The following STPG1 variants were observed in gnomAD, a reference collection of about 807,000 sequenced individuals.
STPG1 encodes O(6)-methylguanine-induced apoptosis 2.
In STPG1, 33 loss-of-function variants were observed where a neutral mutation model predicts 40.1. The ratio of observed to expected loss-of-function variants is 0.82; its 90% CI spans 0.62 to 1.10. The LOEUF is 1.10. STPG1 is among the 50% of genes least tolerant of loss of function. STPG1 has a pLI of 0.00. For missense variants in STPG1, 396 were observed against 415.1 expected (o/e 0.95, Z 0.40); for synonymous variants, 150 against 155.0 (o/e 0.97, Z 0.24).
chr1:24,378,360 G>C (rs1478661783), intron 5 of STPG1, among the ~76,000 whole-genome samples: 1 of 152,160 alleles, frequency 6.6e-6, no homozygotes, highest in African/African-American at 2.4e-5. Context: ...ATGAGGCCGG[G>C]CACGGTGGCT....
intron 1 of STPG1, among the ~76,000 whole-genome samples, chr1:24,411,190 C>A (rs1035888426): frequency 1.3e-5 from 2 of 152,106 alleles, no homozygotes; most frequent in Admixed American, 1.3e-4. Context: ...CTATGGAATA[C>A]CTTATGCAAT....
intron 4 of STPG1, among the ~76,000 whole-genome samples, chr1:24,383,037 G>A (rs965568056): frequency 3.3e-5 from 5 of 150,982 alleles, no homozygotes; most frequent in Non-Finnish European, 4.4e-5. Flanking sequence ...TCAGCCTCCC[G>A]AGTAGCTGGG....
intron 3 of STPG1, among the ~76,000 whole-genome samples, chr1:24,384,591 A>G (rs572732425): frequency 1.2e-4 from 18 of 152,358 alleles, no homozygotes; most frequent in African/African-American, 3.8e-4. Flanking sequence ...TGAGAGAGGA[A>G]TAAGTGAGAG....
chr1:24,404,809 T>C (rs1200602990), intron 1 of STPG1, among the ~76,000 whole-genome samples: 1 of 152,226 alleles, frequency 6.6e-6, no homozygotes, highest in Non-Finnish European at 1.5e-5. Context: ...AGTCTCGCTA[T>C]AGGTTTACCA....
intron 7 of STPG1, among the ~76,000 whole-genome samples, chr1:24,365,673 C>T (rs918739713): frequency 7.2e-5 from 11 of 152,222 alleles, no homozygotes; most frequent in African/African-American, 1.9e-4. Flanking sequence ...ACAGAGGACC[C>T]GCTCACCTGC....
intron 3 of STPG1, among the ~76,000 whole-genome samples, chr1:24,385,146 A>G (rs969790194): frequency 6.6e-6 from 1 of 152,204 alleles, no homozygotes; most frequent in African/African-American, 2.4e-5. Flanking sequence ...TAGAAAGCCC[A>G]AGGTACCATC....
At chr1:24,380,314 C>T (rs966806670) in intron 4 of STPG1, among the ~76,000 whole-genome samples, 3 of 152,310 alleles carry the variant, frequency 2.0e-5, no homozygotes, top group Admixed American at 2.0e-4. Flanking sequence ...CTACCCTCCA[C>T]CAAATTACTG....
intron 5 of STPG1, among the ~76,000 whole-genome samples, chr1:24,374,179 T>A (rs1415603313): frequency 6.7e-6 from 1 of 149,438 alleles, no homozygotes; most frequent in Admixed American, 6.7e-5. Flanking sequence ...GACAGTCAGC[T>A]CCACTTGCTG....
At chr1:24,361,955 G>T (rs1462439097) in intron 7 of STPG1, among the ~76,000 whole-genome samples, 2 of 152,152 alleles carry the variant, frequency 1.3e-5, no homozygotes. Context: ...TTCTGCGCTT[G>T]TTACAGGAAT....
chr1:24,413,899 G>A (rs192054522), upstream of STPG1: 1 of 152,356 alleles, frequency 6.6e-6, no homozygotes, highest in South Asian at 2.1e-4. Flanking sequence ...TTACATCAGG[G>A]CCTGTAGCGG....
intron 5 of STPG1, among the ~76,000 whole-genome samples, chr1:24,375,803 T>A (rs1641995426): frequency 6.6e-6 from 1 of 152,030 alleles, no homozygotes; most frequent in African/African-American, 2.4e-5. Context: ...GAAAAGCAAC[T>A]GAAAAAGGGA....
At chr1:24,366,497 C>T (rs1484222381) in intron 7 of STPG1, among the ~76,000 whole-genome samples, 3 of 152,184 alleles carry the variant, frequency 2.0e-5, no homozygotes, top group Admixed American at 1.3e-4. Flanking sequence ...CATCATTCAT[C>T]GGGAACAGAT....
At chr1:24,364,346 T>C in intron 7 of STPG1, 1 of 1,546,364 alleles carries the variant, frequency 6.5e-7, no homozygotes, top group South Asian at 1.2e-5. Flanking sequence ...GTCAACAGCC[T>C]GCACTTCACT....
chr1:24,373,689 A>G lies in STPG1; in HGVS notation c.571+13T>C. The G allele has an allele frequency of 6.9e-6, 11 of 1,585,022 alleles. No individual in the cohort carries two copies. The highest frequency in any genetic ancestry group is 9.5e-6 in the Non-Finnish European group (11 of 1,153,958). On this transcript the variant is annotated intron_variant, in intron 6 of 8. Transcript: ENST00000337248. Reference sequence around the variant, plus strand: ...AACCCTTAGGTCAAGGCCAGTGCAAAGCAGCTGCTTACCTGGGGGAGGTCC... The same window carrying G: ...AACCCTTAGGTCAAGGCCAGTGCAAGGCAGCTGCTTACCTGGGGGAGGTCC...
chr1:24,387,854 G>C (rs1402719642), intron 3 of STPG1, among the ~76,000 whole-genome samples: 1 of 152,084 alleles, frequency 6.6e-6, no homozygotes, highest in African/African-American at 2.4e-5. Flanking sequence ...CACACTTGGG[G>C]CAGCTGTCCC....
At chr1:24,374,800 G>GT (rs913892742) in intron 5 of STPG1, among the ~76,000 whole-genome samples, 11 of 151,550 alleles carry the variant, frequency 7.3e-5, no homozygotes, top group African/African-American at 1.9e-4. Flanking sequence ...AATTTTTTGT[G>GT]TTTTTTGTAG....
chr1:24,386,200 T>A (rs756911724), intron 3 of STPG1, among the ~76,000 whole-genome samples: 1 of 152,232 alleles, frequency 6.6e-6, no homozygotes, highest in Non-Finnish European at 1.5e-5. Context: ...AGAGTTGCCA[T>A]TTATCTGAAA....
intron 5 of STPG1, 161 bp downstream of exon 5, chr1:24,379,492 T>A (rs964064629): frequency 1.2e-5 from 9 of 727,342 alleles, no homozygotes; most frequent in Non-Finnish European, 2.0e-5. Context: ...AAATTCCCTG[T>A]AAGAGTCTTG....
chr1:24,373,342 C>T (rs982836059), intron 6 of STPG1, among the ~76,000 whole-genome samples: 3 of 152,156 alleles, frequency 2.0e-5, no homozygotes, highest in Admixed American at 6.5e-5. Context: ...TATGGTCATG[C>T]CCTGTATCTC....
Sources: gnomAD v4.1 joint callset for allele counts (sites outside exome capture counted in the v4.1 genomes callset) on GRCh38, gnomAD v4.1.1 for gene constraint, MANE v1.5 for transcripts, NCBI Gene and HGNC (gene_info 2026-07-23, HGNC 2026-07-21) for gene names.